The following SLC35E2B variants were observed in gnomAD, a reference collection of about 807,000 sequenced individuals.
SLC35E2B encodes solute carrier family 35, member E2B.
In SLC35E2B, 18 loss-of-function variants were observed where a neutral mutation model predicts 32.4. That is an observed-to-expected ratio of 0.56 (90% CI 0.38 to 0.82). The LOEUF is 0.82. Among genes scored for constraint, SLC35E2B ranks in the 40% least tolerant of loss-of-function variants. The pLI, the probability that SLC35E2B is intolerant of heterozygous loss-of-function variation, is 0.00. For missense variants in SLC35E2B, 263 were observed against 469.5 expected (o/e 0.56, Z 4.06); for synonymous variants, 132 against 209.1 (o/e 0.63, Z 3.18).
chr1:1,685,841 T>A (rs984770434), intron 2 of SLC35E2B, among the ~76,000 whole-genome samples: 1 of 152,196 alleles, frequency 6.6e-6, no homozygotes, highest in Non-Finnish European at 1.5e-5. Context: ...TTTTCCCTTT[T>A]CTTTTCTTGA....
intron 5 of SLC35E2B, chr1:1,673,190 C>T (rs552608632): frequency 1.6e-4 from 48 of 290,940 alleles, no homozygotes; most frequent in African/African-American, 1.8e-4. Flanking sequence ...GGCAACACAG[C>T]GAGACCCCAT....
At position 1,675,456 on chromosome 1, in the gene SLC35E2B, G is replaced by A; in HGVS notation, c.586+7C>T. 1 of 1,612,156 alleles carries A rather than the reference G, an allele frequency of 6.2e-7. No individual in the cohort carries two copies. The highest frequency in any genetic ancestry group is 8.5e-7 in the Non-Finnish European group (1 of 1,179,444). ...GCAGGCGGAGGGGCGGGGCCCGGGG[G>A]CCTCACCTGTGTACTCCCCCAGAAT... On this transcript the variant is annotated splice_region_variant and intron_variant, in intron 5 of 9. Coordinates refer to ENST00000617444, the MANE Select transcript of SLC35E2B (RefSeq NM_001290264.2).
intron 2 of SLC35E2B, among the ~76,000 whole-genome samples, chr1:1,678,166 CTG>C (rs1643869901): frequency 6.6e-6 from 1 of 152,186 alleles, no homozygotes; most frequent in Non-Finnish European, 1.5e-5. Context: ...CCCCGGGAAA[CTG>C]GGGTTCCCAC....
intron 5 of SLC35E2B, 79 bp from the exon 6 acceptor site, chr1:1,671,708 CCT>C (rs1248847476): frequency 3.7e-6 from 5 of 1,366,428 alleles, no homozygotes; most frequent in Admixed American, 3.3e-5. Flanking sequence ...GTTTCCATCC[CCT>C]CTTATGAAAG....
In SLC35E2B at chr1:1,688,169, G is replaced by A. The variant is rs1475162715; in HGVS notation, c.-148+2807C>T. Among the ~76,000 whole-genome samples the A allele has an allele frequency of 2.0e-5, 3 of 152,068 alleles. No homozygotes were observed. The East Asian group carries it at 5.8e-4, about 29-fold the overall frequency. ...CACAAGGCCATGCTGATGAACGAAT[G>A]GCAAAGGAGGGGAAGTCTTTCTTCC... On this transcript the variant is annotated intron_variant, in intron 2 of 9. Coordinates refer to ENST00000617444, the MANE Select transcript of SLC35E2B (RefSeq NM_001290264.2).
intron 6 of SLC35E2B, chr1:1,670,895 A>C (rs1643670045): frequency 6.6e-6 from 1 of 152,184 alleles, no homozygotes. Flanking sequence ...CCGGGGCTGG[A>C]GTGTGGCCAT....
chr1:1,689,366 G>A lies in SLC35E2B; in HGVS notation c.-148+1610C>T, dbSNP rs551797668. ...ACACTGACACAGCCCTGACTGTGCT[G>A]CTGGAGGGTCCGAAGCACTCTCTGC... On this transcript the variant is annotated intron_variant, in intron 2 of 9. Coordinates refer to ENST00000617444, the MANE Select transcript of SLC35E2B (RefSeq NM_001290264.2). Among the ~76,000 whole-genome samples, 14 of 151,954 alleles carry A rather than the reference G, an allele frequency of 9.2e-5. No individual in the cohort carries two copies. In the East Asian group the frequency reaches 2.7e-3, roughly 29 times the overall value.
intron 2 of SLC35E2B, among the ~76,000 whole-genome samples, chr1:1,683,674 G>A (rs1643919365): frequency 1.3e-5 from 2 of 152,078 alleles, no homozygotes; most frequent in African/African-American, 2.4e-5. Context: ...CTCCAATCCT[G>A]GGGTCACCTG....
At chr1:1,677,822 T>C (rs916563985) in intron 2 of SLC35E2B, among the ~76,000 whole-genome samples, 5 of 151,892 alleles carry the variant, frequency 3.3e-5, no homozygotes, top group African/African-American at 9.7e-5. Flanking sequence ...CAGGCGACTG[T>C]GGCTTCGGGG....
In SLC35E2B at chr1:1,688,026, C is replaced by T. The variant is rs142224450; in HGVS notation, c.-148+2950G>A. Among the ~76,000 whole-genome samples the T allele has an allele frequency of 7.4e-3, 1,128 of 152,132 alleles. 25 individuals carry two copies. The highest frequency in any genetic ancestry group is 0.026 in the African/African-American group (1,059 of 41,480). On this transcript the variant is annotated intron_variant, in intron 2 of 9. Transcript: ENST00000617444. ...ACCAGAGGAGCGGTCATGTTGGCTG[C>T]GCCGAAAGTTTGTGATCTAGGAATG...
chr1:1,689,250 T>C (rs543070486), intron 2 of SLC35E2B, among the ~76,000 whole-genome samples: 1 of 152,264 alleles, frequency 6.6e-6, no homozygotes, highest in South Asian at 2.1e-4. Context: ...TTATTCAGTC[T>C]ATGATACCAG....
chr1:1,666,203 G>T (rs948708821), intron 9 of SLC35E2B, among the ~76,000 whole-genome samples, 184 bp from the exon 10 acceptor site: 1 of 152,164 alleles, frequency 6.6e-6, no homozygotes, highest in Non-Finnish European at 1.5e-5. Context: ...GATGGGGCGG[G>T]GGTGCTCAAC....
intron 2 of SLC35E2B, among the ~76,000 whole-genome samples, chr1:1,677,478 C>CTT (rs533023320): frequency 9.6e-5 from 13 of 135,794 alleles, no homozygotes; most frequent in Non-Finnish European, 1.6e-4. Context: ...TTTCTTTTTC[C>CTT]TTTTTTTTTT....
intron 2 of SLC35E2B, among the ~76,000 whole-genome samples, chr1:1,690,307 A>T (rs867029276): frequency 0.014 from 1,428 of 100,526 alleles, 35 homozygotes; most frequent in African/African-American, 0.034. Flanking sequence ...AACAAAAAAA[A>T]ATATATATAT....
chr1:1,688,381 C>T (rs1643977040), intron 2 of SLC35E2B, among the ~76,000 whole-genome samples: 1 of 152,012 alleles, frequency 6.6e-6, no homozygotes, highest in Non-Finnish European at 1.5e-5. Flanking sequence ...CTGAGGTGGG[C>T]GGATCACAAG....
At chr1:1,677,957 C>G (rs538610516) in intron 2 of SLC35E2B, among the ~76,000 whole-genome samples, 1 of 151,620 alleles carries the variant, frequency 6.6e-6, no homozygotes, top group Non-Finnish European at 1.5e-5. Flanking sequence ...TCCGCAGCAC[C>G]GAGACCCCAC....
At chr1:1,686,486 A>G (rs1027873195) in intron 2 of SLC35E2B, among the ~76,000 whole-genome samples, 6 of 152,004 alleles carry the variant, frequency 3.9e-5, no homozygotes, top group Non-Finnish European at 7.4e-5. Flanking sequence ...AAATAAAAAT[A>G]AAAATGAAAA....
chr1:1,663,510 G>A lies in SLC35E2B; in HGVS notation c.*2272C>T. On this transcript the variant is annotated 3_prime_UTR_variant, in exon 10 of 10. Transcript: ENST00000617444. ...TTTTGAGACGGAATCTTGCCCTGTT[G>A]CCCAGGCTGGAGTGCAATGGCACGA... The A allele has an allele frequency of 2.4e-6, 2 of 830,996 alleles. No individual in the cohort carries two copies. Among genetic ancestry groups the A allele is most frequent in the Non-Finnish European group, 2.9e-6 (2 of 688,396 alleles). 51.5% of individuals were successfully genotyped at this position (830,996 alleles called of 1,614,324 possible). A position where few individuals can be genotyped will look rare whatever the true frequency, so the allele number is the denominator to read the frequency against.
chr1:1,682,290 CCTT>C (rs1557763700), intron 2 of SLC35E2B, among the ~76,000 whole-genome samples: 1 of 152,128 alleles, frequency 6.6e-6, no homozygotes. Flanking sequence ...GCTCTTCACA[CCTT>C]CTCATAGAAG....
Sources: gnomAD v4.1 joint callset for allele counts (sites outside exome capture counted in the v4.1 genomes callset) on GRCh38, gnomAD v4.1.1 for gene constraint, MANE v1.5 for transcripts, NCBI Gene and HGNC (gene_info 2026-07-23, HGNC 2026-07-21) for gene names.